Variants in SP7 observed in about 807,000 individuals in gnomAD.
SP7 encodes Sp7 transcription factor.
Under a neutral mutation model 27.9 loss-of-function variants are expected in SP7, and 13 were observed. That is an observed-to-expected ratio of 0.47 (90% CI 0.30 to 0.74). SP7 has a LOEUF of 0.74. SP7 is among the 30% of genes least tolerant of loss of function. The pLI is 0.06. For synonymous variants in SP7, 219 were observed against 226.7 expected, an observed-to-expected ratio of 0.97 and a Z score of 0.31; for missense variants, 525 against 558.0, an observed-to-expected ratio of 0.94 and a Z score of 0.60.
chr12:53,328,847 G>C lies in SP7; in HGVS notation c.595C>G (p.Pro199Ala), dbSNP rs1327119308. Residue 199 changes from proline (P) to alanine (A), a missense_variant, in exon 3 of 3, where the codon CCA (proline) becomes GCA (alanine). Physicochemically the swap from Pro to Ala is conservative, Grantham distance 27. Transcript: ENST00000536324. The surrounding 1 kb of genome is among the most constrained non-coding windows in gnomAD (Gnocchi z 5.1). ...GGATTAAGGGGAGCAAAGTCAGATG[G>C]GTAGGTGGGCAGCTGGGGGTTCAGT... ...PPLNPQLPTY[P>A]SDFAPLNPAP... The C allele has an allele frequency of 5.0e-6, 8 of 1,603,184 alleles. No homozygotes were observed. Among genetic ancestry groups the C allele is most frequent in the Non-Finnish European group, 6.0e-6 (7 of 1,172,404 alleles).
In SP7 at chr12:53,328,572, C is replaced by A; in HGVS notation, c.870G>T (p.Lys290Asn). The A allele has an allele frequency of 6.2e-7, 1 of 1,610,164 alleles. No individual in the cohort carries two copies. Among genetic ancestry groups the A allele is most frequent in the East Asian group, 2.2e-5 (1 of 44,786 alleles). ...GGATGTGGCAGCTGTGGATGGGCTT[C>A]TTCCGCAGCCCAGCCGCTGCTGCTC... ...RLGAAAAGLR[K>N]KPIHSCHIPG... The change falls in exon 3 of 3, where the codon AAG becomes AAT. Residue 290 changes from lysine (K) to asparagine (N), a missense_variant. Transcript: ENST00000536324. The surrounding 1 kb of genome is among the most constrained non-coding windows in gnomAD (Gnocchi z 5.1).
In SP7 at chr12:53,344,198, G is replaced by T. The variant is rs189504109; in HGVS notation, c.-34+916C>A. Among the ~76,000 whole-genome samples, 2 of 152,148 alleles carry T rather than the reference G, an allele frequency of 1.3e-5. No individual in the cohort carries two copies. The highest frequency in any genetic ancestry group is 3.8e-4 in the East Asian group (2 of 5,196). ...TGTTGATGTGTGCACTTGCACACAG[G>T]ATATGCAGGCATTTTAGAGGTATCT... On this transcript the variant is annotated intron_variant, in intron 1 of 1. Transcript: ENST00000547755. This position sits in a 1 kb window ranked among gnomAD's most constrained non-coding sequence, Gnocchi z 4.6.
upstream of SP7, among the ~76,000 whole-genome samples, chr12:53,340,762 G>A (rs980588073): frequency 3.9e-5 from 6 of 152,190 alleles, no homozygotes; most frequent in African/African-American, 1.4e-4. Context: ...GAAAGAAGAA[G>A]GCACGCAGAG....
chr12:53,333,472 G>T (rs1167513828), intron 2 of SP7, among the ~76,000 whole-genome samples: 1 of 152,036 alleles, frequency 6.6e-6, no homozygotes, highest in Non-Finnish European at 1.5e-5. Flanking sequence ...TCCTCCCAGG[G>T]AGCTCATGGT....
At chr12:53,342,500 A>G (rs1043048991) in intron 1 of SP7, among the ~76,000 whole-genome samples, 1 of 152,146 alleles carries the variant, frequency 6.6e-6, no homozygotes, top group African/African-American at 2.4e-5. Flanking sequence ...AATACAAAAG[A>G]GTAGGAAGTA....
Position 53,327,806 on chromosome 12 carries a change from A to G in SP7, c.*340T>C, listed in dbSNP as rs922888862. ...AAGCTTGAGAAGCAGAAAGGGGTAC[A>G]TGTCAAGGAGTGAGATGGAGAAATA... On this transcript the variant is annotated 3_prime_UTR_variant, in exon 3 of 3. Coordinates refer to ENST00000536324, the MANE Select transcript of SP7 (RefSeq NM_001173467.3). 3.3e-6 allele frequency: 1 copy of G among 305,548 alleles called. No individual in the cohort carries two copies. Among genetic ancestry groups the G allele is most frequent in the Non-Finnish European group, 6.1e-6 (1 of 165,062 alleles). The allele number at this position is 305,548 out of a possible 1,614,324, so 18.9% of individuals were successfully genotyped here.
chr12:53,334,583 A>G (rs1021956244), intron 2 of SP7, among the ~76,000 whole-genome samples: 2 of 152,202 alleles, frequency 1.3e-5, no homozygotes, highest in African/African-American at 4.8e-5. Flanking sequence ...GGAAGAGTCA[A>G]GGCTACTGAA....
At chr12:53,342,907 T>C (rs1944835936) in intron 1 of SP7, among the ~76,000 whole-genome samples, 1 of 151,574 alleles carries the variant, frequency 6.6e-6, no homozygotes, top group Admixed American at 6.6e-5. Flanking sequence ...AGAGTAAATC[T>C]AAGCCAGTGT....
chr12:53,332,682 C>A (rs1944719482), intron 2 of SP7, among the ~76,000 whole-genome samples: 1 of 151,972 alleles, frequency 6.6e-6, no homozygotes, highest in Admixed American at 6.6e-5. Context: ...GGAAAAGAGA[C>A]TGGGCTAGAA....
upstream of SP7, among the ~76,000 whole-genome samples, chr12:53,341,181 G>C (rs368740272): frequency 1.3e-5 from 2 of 152,164 alleles, no homozygotes; most frequent in African/African-American, 2.4e-5. Context: ...TCTCTGCTAG[G>C]TCTCCCCATC....
At chr12:53,330,518 C>T (rs1278773202) in intron 2 of SP7, among the ~76,000 whole-genome samples, 2 of 152,060 alleles carry the variant, frequency 1.3e-5, no homozygotes, top group Non-Finnish European at 2.9e-5. Context: ...ACCAGGGGCT[C>T]TTTTTAAATG....
At chr12:53,339,745 GAAAA>G (rs55724070), upstream of SP7, among the ~76,000 whole-genome samples, 2 of 131,576 alleles carry the variant, frequency 1.5e-5, no homozygotes, top group African/African-American at 2.9e-5. Context: ...AAAAAAGAAA[GAAAA>G]AAAAAACTGG....
upstream of SP7, among the ~76,000 whole-genome samples, chr12:53,336,729 T>C (rs1944775926): frequency 6.6e-6 from 1 of 151,610 alleles, no homozygotes; most frequent in African/African-American, 2.4e-5. Flanking sequence ...TATGTGCCCC[T>C]GTGTGTGTGT....
Position 53,328,931 on chromosome 12 carries a change from C to CA in SP7, c.510dup (p.Gly171TrpfsTer6). The CA allele has an allele frequency of 6.2e-7, 1 of 1,611,414 alleles. No individual in the cohort carries two copies. The highest frequency in any genetic ancestry group is 8.5e-7 in the Non-Finnish European group (1 of 1,178,770). On this transcript the variant is annotated frameshift_variant, in exon 3 of 3. Coordinates refer to ENST00000536324, the MANE Select transcript of SP7 (RefSeq NM_001173467.3). LOFTEE classifies it high-confidence loss of function. The surrounding 1 kb of genome is among the most constrained non-coding windows in gnomAD (Gnocchi z 5.1). ...TGCAGCCCATCACCCTGGCCCTGCC[C>CA]ACCACCTAGCCAGTTGCCTCCAGGG...
chr12:53,344,003 G>A lies in SP7; in HGVS notation c.-34+1111C>T, dbSNP rs536638046. Among the ~76,000 whole-genome samples the A allele has an allele frequency of 2.0e-5, 3 of 152,162 alleles. No individual in the cohort carries two copies. The highest frequency in any genetic ancestry group is 6.5e-5 in the Admixed American group (1 of 15,284). On this transcript the variant is annotated intron_variant, in intron 1 of 1. Transcript: ENST00000547755. The surrounding 1 kb of genome is among the most constrained non-coding windows in gnomAD (Gnocchi z 4.6). Reference sequence around the variant, plus strand: ...GCGGAGGTTGCAGTGAGCTGAGATTGTGCCACTGCTCTGCAGCCTGGGCGA... The same window carrying A: ...GCGGAGGTTGCAGTGAGCTGAGATTATGCCACTGCTCTGCAGCCTGGGCGA...
intron 1 of SP7, 71 bp downstream of exon 1, chr12:53,336,075 T>C (rs1944767303): frequency 5.2e-6 from 1 of 194,144 alleles, no homozygotes; most frequent in African/African-American, 2.3e-5. Flanking sequence ...TGGACCCCGG[T>C]GTCCTACACG....
At position 53,344,224 on chromosome 12, in the gene SP7, A is replaced by G. The variant is rs1445169506; in HGVS notation, c.-34+890T>C. 6.6e-6 allele frequency among the ~76,000 whole-genome samples: 1 copy of G among 151,972 alleles called. No individual in the cohort carries two copies. The highest frequency in any genetic ancestry group is 1.5e-5 in the Non-Finnish European group (1 of 67,984). On this transcript the variant is annotated intron_variant, in intron 1 of 1. Transcript: ENST00000547755. This position sits in a 1 kb window ranked among gnomAD's most constrained non-coding sequence, Gnocchi z 4.6. ...ATATGCAGGCATTTTAGAGGTATCT[A>G]TTCAGTTCTGAGAATGGCTCTTGAC...
At chr12:53,330,388 C>T (rs1944691139) in intron 2 of SP7, among the ~76,000 whole-genome samples, 1 of 152,186 alleles carries the variant, frequency 6.6e-6, no homozygotes, top group African/African-American at 2.4e-5. Context: ...CTCACTCTGT[C>T]TCCCAAGCTG....
chr12:53,339,286 A>C (rs1944802308), upstream of SP7, among the ~76,000 whole-genome samples: 1 of 152,144 alleles, frequency 6.6e-6, no homozygotes, highest in Non-Finnish European at 1.5e-5. Flanking sequence ...GCTGAACCAC[A>C]GGAACCATTC....
Sources: allele counts gnomAD v4.1 joint callset (sites outside exome capture counted in the v4.1 genomes callset), GRCh38; gene constraint gnomAD v4.1.1; non-coding constraint Gnocchi (gnomAD v3.1); transcripts MANE v1.5; gene names NCBI Gene and HGNC (gene_info 2026-07-23, HGNC 2026-07-21).